Variants in CTSO observed in about 807,000 individuals in gnomAD.
CTSO encodes cathepsin O.
Under a neutral mutation model 42.4 loss-of-function variants are expected in CTSO, and 40 were observed. The observed-to-expected ratio is 0.94, with a 90% CI of 0.73 to 1.23. The LOEUF (loss-of-function observed/expected upper bound fraction) is 1.23. Among genes scored for constraint, CTSO ranks in the 50% most tolerant of loss-of-function variants. The pLI, the probability that CTSO is intolerant of heterozygous loss-of-function variation, is 0.00. For missense variants in CTSO, 441 were observed against 396.0 expected (o/e 1.11, Z -0.96); for synonymous variants, 156 against 146.2 (o/e 1.07, Z -0.48).
chr4:155,945,029 G>A (rs1743515825), intron 1 of CTSO, among the ~76,000 whole-genome samples: 2 of 151,272 alleles, frequency 1.3e-5, no homozygotes, highest in East Asian at 2.0e-4. Context: ...GGCTGAGGTC[G>A]GTGGATCATC....
intron 4 of CTSO, 144 bp from the exon 5 acceptor site, chr4:155,937,627 T>G: frequency 1.2e-6 from 1 of 814,202 alleles, no homozygotes; most frequent in South Asian, 1.7e-5. Flanking sequence ...TTTCTTTTTC[T>G]TTTTTGAGAC....
At chr4:155,942,169 G>C in intron 3 of CTSO, 148 bp downstream of exon 3, 1 of 598,964 alleles carries the variant, frequency 1.7e-6, no homozygotes, top group Non-Finnish European at 2.6e-6. Flanking sequence ...CATTCCTCCA[G>C]AGATTCTCTT....
intron 6 of CTSO, 140 bp downstream of exon 6, chr4:155,929,402 T>C: frequency 1.3e-6 from 1 of 797,726 alleles, no homozygotes; most frequent in Non-Finnish European, 1.9e-6. Context: ...TTTACTCCTA[T>C]AAGATTGTTG....
intron 1 of CTSO, 38 bp downstream of exon 1, chr4:155,953,675 G>A (rs894767820): frequency 4.0e-6 from 5 of 1,250,406 alleles, no homozygotes; most frequent in African/African-American, 3.1e-5. Flanking sequence ...GGAAGTGAGG[G>A]AGCAGGGACA....
intron 5 of CTSO, among the ~76,000 whole-genome samples, chr4:155,930,051 A>G (rs1489851876): frequency 6.6e-6 from 1 of 152,240 alleles, no homozygotes; most frequent in East Asian, 1.9e-4. Flanking sequence ...AAGACTTCCC[A>G]GAAATAACCC....
chr4:155,940,619 C>A (rs907363594), intron 3 of CTSO, among the ~76,000 whole-genome samples: 2 of 152,010 alleles, frequency 1.3e-5, no homozygotes, highest in Non-Finnish European at 1.5e-5. Flanking sequence ...CCAAGGCAGG[C>A]GGATCATGAG....
chr4:155,937,781 A>T (rs968173481), intron 4 of CTSO, among the ~76,000 whole-genome samples: 2 of 151,814 alleles, frequency 1.3e-5, no homozygotes, highest in African/African-American at 4.8e-5. Context: ...CGCCAGGCTA[A>T]TTTTTTGTAT....
chr4:155,927,597 G>A (rs1051883924), intron 7 of CTSO, among the ~76,000 whole-genome samples: 13 of 151,972 alleles, frequency 8.6e-5, no homozygotes, highest in African/African-American at 1.2e-4. Context: ...GTGAAACCTC[G>A]TCTCTACTAA....
At chr4:155,948,365 A>G (rs1743585101) in intron 1 of CTSO, among the ~76,000 whole-genome samples, 1 of 71,170 alleles carries the variant, frequency 1.4e-5, no homozygotes, top group African/African-American at 3.9e-5. Flanking sequence ...AATCTCTTAA[A>G]GCTGCCTTTG....
At chr4:155,931,006 C>A (rs1232726496) in intron 5 of CTSO, among the ~76,000 whole-genome samples, 1 of 152,092 alleles carries the variant, frequency 6.6e-6, no homozygotes, top group African/African-American at 2.4e-5. Context: ...CTATACACTG[C>A]AGCCATTCAA....
intron 6 of CTSO, 120 bp from the exon 7 acceptor site, chr4:155,928,548 A>C: frequency 1.5e-6 from 1 of 649,278 alleles, no homozygotes; most frequent in Non-Finnish European, 2.6e-6. Context: ...GAAGATTAAA[A>C]ATGTAATTTA....
At chr4:155,945,956 C>G (rs1743538159) in intron 1 of CTSO, among the ~76,000 whole-genome samples, 1 of 152,082 alleles carries the variant, frequency 6.6e-6, no homozygotes, top group Non-Finnish European at 1.5e-5. Flanking sequence ...TACGCACGCA[C>G]ATGAGGTATA....
At chr4:155,930,160 T>C (rs12505882) in intron 5 of CTSO, among the ~76,000 whole-genome samples, 49,615 of 152,050 alleles carry the variant, frequency 0.33, 9,634 homozygotes, top group East Asian at 0.7. Flanking sequence ...GTTCTGTAGC[T>C]GGCTGGAAAA....
At chr4:155,942,685 A>G (rs932597969) in intron 2 of CTSO, among the ~76,000 whole-genome samples, 1 of 151,924 alleles carries the variant, frequency 6.6e-6, no homozygotes, top group Non-Finnish European at 1.5e-5. Context: ...CTGCTATTTT[A>G]GATTTTCTCT....
rs575019301 is a variant in CTSO at position 155,924,436 on chromosome 4, T to C, written c.*1600A>G. 2 of 152,212 alleles carry C rather than the reference T, an allele frequency of 1.3e-5. No homozygotes were observed. The highest frequency in any genetic ancestry group is 1.3e-4 in the Admixed American group (2 of 15,282). The allele number at this position is 152,212 out of a possible 1,614,324, so 9.4% of individuals were successfully genotyped here. ...GTTCTGACTGGCGTAAGAAGAGAAA[T>C]ACAGCATTTTGTTTTTTATTTTGTT... is the stretch of plus-strand genomic sequence containing the variant. On this transcript the variant is annotated 3_prime_UTR_variant, in exon 8 of 8. Transcript: ENST00000433477.
chr4:155,949,931 A>G (rs188488837), intron 1 of CTSO, among the ~76,000 whole-genome samples: 69 of 152,320 alleles, frequency 4.5e-4, no homozygotes, highest in Middle Eastern at 3.4e-3. Context: ...GTCCCCCACA[A>G]CAAATCACTA....
At chr4:155,928,734 C>T (rs376238333) in intron 6 of CTSO, among the ~76,000 whole-genome samples, 16 of 152,204 alleles carry the variant, frequency 1.1e-4, no homozygotes, top group African/African-American at 2.4e-4. Flanking sequence ...CTTTTAGATA[C>T]GTATGATAAA....
chr4:155,950,836 G>A (rs530759821), intron 1 of CTSO, among the ~76,000 whole-genome samples: 8 of 110,600 alleles, frequency 7.2e-5, no homozygotes, highest in African/African-American at 2.2e-4. Flanking sequence ...GAAATCATCC[G>A]CATCCTCCTC....
At chr4:155,931,523 A>C (rs1743233426) in intron 5 of CTSO, among the ~76,000 whole-genome samples, 2 of 152,318 alleles carry the variant, frequency 1.3e-5, no homozygotes, top group East Asian at 3.9e-4. Context: ...CCTCAGTCAT[A>C]AGCAGAGGCA....
Sources: gnomAD v4.1 joint callset for allele counts (sites outside exome capture counted in the v4.1 genomes callset) on GRCh38, gnomAD v4.1.1 for gene constraint, MANE v1.5 for transcripts, NCBI Gene and HGNC (gene_info 2026-07-23, HGNC 2026-07-21) for gene names.